C3orf49: variants seen among roughly 807,000 people sequenced by gnomAD.
C3orf49 encodes the protein putative uncharacterized protein C3orf49.
Under a neutral mutation model 13.3 loss-of-function variants are expected in C3orf49, and 27 were observed. The ratio of observed to expected loss-of-function variants is 2.02; its 90% CI spans 1.49 to 2.79. The LOEUF (loss-of-function observed/expected upper bound fraction) is 2.79. C3orf49 is among the 30% of genes most tolerant of loss of function. The pLI is 0.00. For synonymous variants in C3orf49, 87 were observed against 47.6 expected, an observed-to-expected ratio of 1.83 and a Z score of -3.40; for missense variants, 242 against 134.2, an observed-to-expected ratio of 1.80 and a Z score of -3.97.
chr3:63,826,002 A>G (rs1032813703), intron 2 of C3orf49, among the ~76,000 whole-genome samples: 1 of 152,198 alleles, frequency 6.6e-6, no homozygotes, highest in Admixed American at 6.5e-5. Flanking sequence ...ACAGTTTCCC[A>G]GGAATAAGGG....
chr3:63,794,502 T>G, the C3orf49 span, among the ~76,000 whole-genome samples: 1 of 152,166 alleles, frequency 6.6e-6, no homozygotes, highest in Non-Finnish European at 1.5e-5. Flanking sequence ...ATTTCCCTGC[T>G]CTGCTTTTTA....
chr3:63,801,667 T>C, the C3orf49 span, among the ~76,000 whole-genome samples: 7 of 152,336 alleles, frequency 4.6e-5, no homozygotes, highest in South Asian at 8.3e-4. Context: ...GCCTGGTACA[T>C]AGTTAGTGCC....
chr3:63,789,330 C>G, the C3orf49 span, among the ~76,000 whole-genome samples: 2 of 152,202 alleles, frequency 1.3e-5, no homozygotes, highest in African/African-American at 2.4e-5. Flanking sequence ...AAACCAGTCC[C>G]TGGTGCCAAA....
upstream of C3orf49, among the ~76,000 whole-genome samples, chr3:63,814,440 C>CTTAGAGGA (rs1376000137): frequency 6.6e-6 from 1 of 151,968 alleles, no homozygotes; most frequent in Non-Finnish European, 1.5e-5. Flanking sequence ...CAATCTCTGA[C>CTTAGAGGA]TTAGAGGTTT....
chr3:63,790,533 T>C, the C3orf49 span, among the ~76,000 whole-genome samples: 1 of 151,700 alleles, frequency 6.6e-6, no homozygotes, highest in African/African-American at 2.4e-5. Flanking sequence ...GAACGAATAT[T>C]TATTAAATGG....
At chr3:63,787,818 G>A in the C3orf49 span, among the ~76,000 whole-genome samples, 3 of 152,108 alleles carry the variant, frequency 2.0e-5, no homozygotes, top group South Asian at 6.2e-4. Context: ...AATAACAATG[G>A]CAACCCAACT....
chr3:63,836,152 T>A, intron 5 of C3orf49: 1 of 653,084 alleles, frequency 1.5e-6, no homozygotes, highest in Non-Finnish European at 2.4e-6. Flanking sequence ...AAATAAAATC[T>A]AACAGAGAAG....
the C3orf49 span, among the ~76,000 whole-genome samples, chr3:63,810,322 C>T: frequency 6.6e-6 from 1 of 152,154 alleles, no homozygotes; most frequent in Non-Finnish European, 1.5e-5. Context: ...CTCCCTATCC[C>T]CCTCCCACTT....
chr3:63,848,580 C>G lies in C3orf49; in HGVS notation c.*247C>G, dbSNP rs900879657. ...AACCACCTTCGGCACATCTCAGGAC[C>G]TCCTGATGCTGTGGCATGTCTTTAA... On this transcript the variant is annotated 3_prime_UTR_variant, in exon 7 of 7. Transcript: ENST00000295896. The G allele has an allele frequency of 6.6e-6, 1 of 152,170 alleles. No individual in the cohort carries two copies. The highest frequency in any genetic ancestry group is 1.5e-5 in the Non-Finnish European group (1 of 68,042). 9.4% of individuals were successfully genotyped at this position (152,170 alleles called of 1,614,324 possible). A position where few individuals can be genotyped will look rare whatever the true frequency, so the allele number is the denominator to read the frequency against.
upstream of C3orf49, among the ~76,000 whole-genome samples, chr3:63,814,804 C>G (rs1274770879): frequency 6.6e-6 from 1 of 152,112 alleles, no homozygotes; most frequent in African/African-American, 2.4e-5. Context: ...CTGAGTATCT[C>G]TTCTCTACTC....
chr3:63,821,680 G>A (rs1460934386), intron 1 of C3orf49, among the ~76,000 whole-genome samples: 2 of 151,930 alleles, frequency 1.3e-5, no homozygotes, highest in African/African-American at 4.8e-5. Context: ...TATGCTGAGT[G>A]AAAAAAAGCA....
chr3:63,821,467 G>A (rs1392344772), intron 1 of C3orf49, among the ~76,000 whole-genome samples: 3 of 152,080 alleles, frequency 2.0e-5, no homozygotes, highest in African/African-American at 7.2e-5. Context: ...CCAGAGAAAT[G>A]AAAACTTATG....
intron 5 of C3orf49, chr3:63,839,652 A>G (rs1320975198): frequency 6.2e-7 from 1 of 1,610,210 alleles, no homozygotes; most frequent in East Asian, 2.2e-5. Context: ...TGAAAATGAA[A>G]TACCCCTCTT....
intron 5 of C3orf49, among the ~76,000 whole-genome samples, chr3:63,843,244 G>C (rs1327749594): frequency 6.6e-6 from 1 of 151,982 alleles, no homozygotes; most frequent in East Asian, 2.0e-4. Flanking sequence ...TCAGCCTTCC[G>C]AGCAGCTGGG....
At chr3:63,821,756 G>A (rs1048808607) in intron 1 of C3orf49, among the ~76,000 whole-genome samples, 1 of 151,948 alleles carries the variant, frequency 6.6e-6, no homozygotes, top group Non-Finnish European at 1.5e-5. Flanking sequence ...CGAGAATTAC[G>A]CAAACAGAAG....
chr3:63,840,813 G>GA (rs1701740158), intron 5 of C3orf49, among the ~76,000 whole-genome samples: 1 of 152,180 alleles, frequency 6.6e-6, no homozygotes. Flanking sequence ...AAGGGTGTTA[G>GA]AAAACTGCAC....
At chr3:63,804,439 T>C in the C3orf49 span, among the ~76,000 whole-genome samples, 1 of 152,174 alleles carries the variant, frequency 6.6e-6, no homozygotes. Flanking sequence ...TCCTGTCACA[T>C]TGATCCTTCA....
chr3:63,826,352 T>A (rs184064370), intron 2 of C3orf49, among the ~76,000 whole-genome samples: 1 of 152,192 alleles, frequency 6.6e-6, no homozygotes, highest in Non-Finnish European at 1.5e-5. Flanking sequence ...TGACATTAGC[T>A]TGGATTAGTC....
At chr3:63,847,589 T>G (rs1219718884) in intron 6 of C3orf49, among the ~76,000 whole-genome samples, 1 of 152,062 alleles carries the variant, frequency 6.6e-6, no homozygotes, top group Non-Finnish European at 1.5e-5. Context: ...ATACAAAAAT[T>G]AGCCGGGTGT....
Sources: allele counts gnomAD v4.1 joint callset (sites outside exome capture counted in the v4.1 genomes callset), GRCh38; gene constraint gnomAD v4.1.1; transcripts MANE v1.5; gene names NCBI Gene and HGNC (gene_info 2026-07-23, HGNC 2026-07-21).